ATE1: variants seen among roughly 807,000 people sequenced by gnomAD.
ATE1 encodes arginyl-tRNA--protein transferase 1.
A neutral mutation model predicts 70.5 loss-of-function variants in ATE1; 36 were observed. The observed-to-expected ratio is 0.51, with a 90% CI of 0.39 to 0.67. ATE1 has a LOEUF of 0.67. Ranked by LOEUF, ATE1 falls within the 30% of genes least tolerant of loss-of-function variation. The pLI is 0.00. For synonymous variants in ATE1, 232 were observed against 219.3 expected, an observed-to-expected ratio of 1.06 and a Z score of -0.51; for missense variants, 593 against 629.5, an observed-to-expected ratio of 0.94 and a Z score of 0.62.
At chr10:121,835,023 T>A (rs17102650) in intron 10 of ATE1, among the ~76,000 whole-genome samples, 4,878 of 152,216 alleles carry the variant, frequency 0.032, 144 homozygotes, top group African/African-American at 0.08. Flanking sequence ...TAGTACCAGA[T>A]GAAAATGAGC....
At chr10:121,912,161 A>G (rs1340917091) in intron 4 of ATE1, among the ~76,000 whole-genome samples, 2 of 151,174 alleles carry the variant, frequency 1.3e-5, no homozygotes, top group Non-Finnish European at 1.5e-5. Flanking sequence ...AAGTGCTGGG[A>G]CTACAGGTGT....
chr10:121,872,001 T>G (rs1227593787), intron 7 of ATE1, among the ~76,000 whole-genome samples: 1 of 152,180 alleles, frequency 6.6e-6, no homozygotes, highest in East Asian at 1.9e-4. Context: ...AAGTGCCAGT[T>G]CAAAGCCTAG....
intron 8 of ATE1, among the ~76,000 whole-genome samples, chr10:121,865,691 G>T (rs190961757): frequency 6.6e-6 from 1 of 152,140 alleles, no homozygotes. Context: ...CTGACTTGAC[G>T]AGGTGATAAA....
chr10:121,899,786 T>C, intron 7 of ATE1, 80 bp downstream of exon 7: 1 of 1,529,152 alleles, frequency 6.5e-7, no homozygotes, highest in Non-Finnish European at 8.8e-7. Flanking sequence ...GTAGCACAAA[T>C]AAACCAAGAT....
chr10:121,783,073 C>G (rs992851136), intron 11 of ATE1, among the ~76,000 whole-genome samples: 6 of 152,108 alleles, frequency 3.9e-5, no homozygotes, highest in African/African-American at 1.4e-4. Context: ...AAGTTTTTTA[C>G]AATTTCTTTC....
In ATE1 at chr10:121,841,063, C is replaced by T. The variant is rs752611944; in HGVS notation, c.1157+19G>A. 5.3e-6 allele frequency: 8 copies of T among 1,504,466 alleles called. No individual in the cohort carries two copies. The highest frequency in any genetic ancestry group is 2.8e-5 in the South Asian group (2 of 71,888). The allele number at this position is 1,504,466 out of a possible 1,614,324, so 93.2% of individuals were successfully genotyped here. On this transcript the variant is annotated intron_variant, in intron 9 of 11. Transcript: ENST00000224652. ...AGTTCTATATAACCCACTACAATAACGGCAAAAAGCAATCTTACCGTAGTG... is the reference window on the plus strand; with the variant it reads ...AGTTCTATATAACCCACTACAATAATGGCAAAAAGCAATCTTACCGTAGTG...
chr10:121,848,594 G>A (rs1000439070), intron 8 of ATE1, among the ~76,000 whole-genome samples: 3 of 145,244 alleles, frequency 2.1e-5, no homozygotes, highest in Admixed American at 7.1e-5. Flanking sequence ...CTCCAGCCTG[G>A]GCAACAAGAG....
intron 11 of ATE1, among the ~76,000 whole-genome samples, chr10:121,789,463 C>T (rs1946346757): frequency 6.6e-6 from 1 of 151,878 alleles, no homozygotes; most frequent in African/African-American, 2.4e-5. Context: ...CATGCCCAGC[C>T]AGTTTTTGTA....
At chr10:121,754,433 C>T (rs1944712061) in intron 11 of ATE1, among the ~76,000 whole-genome samples, 1 of 152,180 alleles carries the variant, frequency 6.6e-6, no homozygotes, top group East Asian at 1.9e-4. Flanking sequence ...AAGGCTCCTA[C>T]TGGCCAAATC....
At chr10:121,785,684 G>C (rs978718103) in intron 11 of ATE1, among the ~76,000 whole-genome samples, 1 of 152,162 alleles carries the variant, frequency 6.6e-6, no homozygotes, top group Non-Finnish European at 1.5e-5. Context: ...CTAGGTACGA[G>C]CTTCTTTACA....
intron 8 of ATE1, among the ~76,000 whole-genome samples, 163 bp downstream of exon 8, chr10:121,869,842 CA>C (rs565275403): frequency 4.7e-5 from 7 of 149,354 alleles, no homozygotes; most frequent in Admixed American, 1.3e-4. Context: ...AACTTTTATC[CA>C]AAAAAAAAGC....
At chr10:121,745,578 T>C (rs866610618) in intron 11 of ATE1, among the ~76,000 whole-genome samples, 13 of 151,962 alleles carry the variant, frequency 8.6e-5, no homozygotes, top group Middle Eastern at 6.8e-3. Context: ...AACAAAAAAA[T>C]TAGCCAGGCG....
At chr10:121,789,762 C>T (rs1213911804) in intron 11 of ATE1, among the ~76,000 whole-genome samples, 2 of 152,124 alleles carry the variant, frequency 1.3e-5, no homozygotes, top group Admixed American at 6.5e-5. Flanking sequence ...GTCTGTTTGC[C>T]TCCATGAAAC....
At chr10:121,901,436 A>C (rs1950978637) in intron 6 of ATE1, among the ~76,000 whole-genome samples, 1 of 152,196 alleles carries the variant, frequency 6.6e-6, no homozygotes, top group Admixed American at 6.5e-5. Context: ...TATGAGAATA[A>C]GATAAAAATC....
intron 8 of ATE1, among the ~76,000 whole-genome samples, chr10:121,846,175 A>C (rs1948813224): frequency 2.0e-5 from 3 of 152,062 alleles, no homozygotes; most frequent in Admixed American, 2.0e-4. Flanking sequence ...GAGGGGGTAT[A>C]CCAATGGAGC....
chr10:121,875,205 T>C (rs1252586010), intron 7 of ATE1, among the ~76,000 whole-genome samples: 1 of 151,008 alleles, frequency 6.6e-6, no homozygotes, highest in African/African-American at 2.4e-5. Context: ...AACCTTTGTC[T>C]TCTGAAGCAT....
chr10:121,837,406 T>TCA (rs771813712), intron 9 of ATE1, among the ~76,000 whole-genome samples: 24 of 152,226 alleles, frequency 1.6e-4, no homozygotes, highest in Non-Finnish European at 3.1e-4. Flanking sequence ...TAAGAAGTTG[T>TCA]CAGTCTCTCC....
At chr10:121,911,323 C>T (rs538880566) in intron 4 of ATE1, among the ~76,000 whole-genome samples, 172 bp from the exon 5 acceptor site, 1 of 152,060 alleles carries the variant, frequency 6.6e-6, no homozygotes, top group South Asian at 2.1e-4. Flanking sequence ...CACAGCTGGG[C>T]ATGGTGGTTC....
chr10:121,908,931 C>A (rs1951311861), intron 5 of ATE1, among the ~76,000 whole-genome samples: 1 of 152,136 alleles, frequency 6.6e-6, no homozygotes, highest in African/African-American at 2.4e-5. Flanking sequence ...GAACAAACAA[C>A]CCAAGACAAA....
Sources: allele counts gnomAD v4.1 joint callset (sites outside exome capture counted in the v4.1 genomes callset), GRCh38; gene constraint gnomAD v4.1.1; transcripts MANE v1.5; gene names NCBI Gene and HGNC (gene_info 2026-07-23, HGNC 2026-07-21).